The following TLN2 variants were observed in gnomAD, a reference collection of about 807,000 sequenced individuals.
TLN2 encodes the protein talin 2, also known as talin-2.
A neutral mutation model predicts 294.7 loss-of-function variants in TLN2; 118 were observed. The ratio of observed to expected loss-of-function variants is 0.40; its 90% CI spans 0.34 to 0.47. The LOEUF (loss-of-function observed/expected upper bound fraction) is 0.47, where lower values mean the gene tolerates loss of function less well. Ranked by LOEUF, TLN2 falls within the 20% of genes least tolerant of loss-of-function variation. TLN2 has a pLI of 0.84. For synonymous variants in TLN2, 1,431 were observed against 1,304.5 expected, an observed-to-expected ratio of 1.10 and a Z score of -2.09; for missense variants, 3,083 against 3,282.2, an observed-to-expected ratio of 0.94 and a Z score of 1.48.
intron 52 of TLN2, among the ~76,000 whole-genome samples, chr15:62,818,236 G>T (rs866423513): frequency 6.6e-6 from 1 of 152,198 alleles, no homozygotes; most frequent in Non-Finnish European, 1.5e-5. Context: ...TTCCAAAGCT[G>T]ATGCTTTGTC....
chr15:62,737,472 G>A (rs1007453427), intron 29 of TLN2, among the ~76,000 whole-genome samples: 2 of 152,162 alleles, frequency 1.3e-5, no homozygotes, highest in African/African-American at 2.4e-5. Context: ...CAACCCTGGC[G>A]CTCTATTACT....
intron 1 of TLN2, among the ~76,000 whole-genome samples, chr15:62,503,094 T>C (rs185073843): frequency 6.7e-6 from 1 of 149,674 alleles, no homozygotes; most frequent in Admixed American, 6.6e-5. Context: ...TGTGGCCAGA[T>C]TGCAGACTCT....
intron 1 of TLN2, among the ~76,000 whole-genome samples, chr15:62,406,390 G>A (rs777701331): frequency 1.3e-5 from 2 of 152,158 alleles, no homozygotes; most frequent in Non-Finnish European, 2.9e-5. Flanking sequence ...AGAATTCAAG[G>A]GCCAGCTAGA....
chr15:62,577,097 G>A (rs907018500), intron 1 of TLN2, among the ~76,000 whole-genome samples: 5 of 152,190 alleles, frequency 3.3e-5, no homozygotes, highest in Non-Finnish European at 2.9e-5. Flanking sequence ...TATTTAATGA[G>A]TAGAGAATTT....
intron 1 of TLN2, among the ~76,000 whole-genome samples, chr15:62,487,479 C>T (rs1029482026): frequency 6.6e-6 from 1 of 152,080 alleles, no homozygotes; most frequent in Non-Finnish European, 1.5e-5. Flanking sequence ...TACAAATGCC[C>T]AATTGTTGGG....
intron 16 of TLN2, among the ~76,000 whole-genome samples, chr15:62,700,296 A>G (rs1288969351): frequency 6.6e-6 from 1 of 152,184 alleles, no homozygotes; most frequent in Non-Finnish European, 1.5e-5. Context: ...TATTTTTGGG[A>G]TGTTTTGGGA....
At chr15:62,737,445 G>A (rs1020733219) in intron 29 of TLN2, among the ~76,000 whole-genome samples, 1 of 152,172 alleles carries the variant, frequency 6.6e-6, no homozygotes, top group Non-Finnish European at 1.5e-5. Flanking sequence ...CGCTAGGGCT[G>A]GCCACTCAGA....
rs1215802539 is a variant in TLN2, at chr15:62,763,619, G to T, written c.5018G>T (p.Cys1673Phe). Residue 1673 changes from cysteine to phenylalanine, a missense_variant, in exon 40 of 59, where the codon TGC (cysteine) becomes TTC (phenylalanine). Cys to Phe is a radical substitution (Grantham distance 205, BLOSUM62 -2). Transcript: ENST00000636159. Reference protein sequence around the residue: ...CDYSIDGINRCIRDIEQASLA... With the variant: ...CDYSIDGINRFIRDIEQASLA... The stretch of plus-strand genomic sequence containing the variant: ...TACTCCATCGATGGCATCAACCGGT[G>T]CATCCGGGACATCGAGCAGGCCTCG... 3 of 1,613,718 alleles carry T rather than the reference G, an allele frequency of 1.9e-6. No individual in the cohort carries two copies. Among genetic ancestry groups the T allele is most frequent in the Non-Finnish European group, 2.5e-6 (3 of 1,179,894 alleles).
intron 1 of TLN2, among the ~76,000 whole-genome samples, chr15:62,409,928 A>G (rs941742831): frequency 3.3e-5 from 5 of 152,188 alleles, no homozygotes; most frequent in African/African-American, 1.2e-4. Context: ...TTCTGGGAAA[A>G]TGAGGAACCT....
intron 3 of TLN2, among the ~76,000 whole-genome samples, chr15:62,631,010 A>AT (rs895680080): frequency 8.6e-5 from 13 of 151,446 alleles, no homozygotes; most frequent in African/African-American, 1.2e-4. Flanking sequence ...TGAATAAGCC[A>AT]TTTTTTTTTC....
chr15:62,635,939 T>C (rs2140900507), intron 3 of TLN2, among the ~76,000 whole-genome samples: 1 of 152,242 alleles, frequency 6.6e-6, no homozygotes, highest in African/African-American at 2.4e-5. Context: ...AACCCCCAGA[T>C]CCGTGGCCTT....
At chr15:62,492,185 C>G (rs983433682) in intron 1 of TLN2, among the ~76,000 whole-genome samples, 1 of 152,052 alleles carries the variant, frequency 6.6e-6, no homozygotes, top group Non-Finnish European at 1.5e-5. Context: ...GACGCGGTGG[C>G]TCACGCCTGT....
At chr15:62,707,390 A>G in intron 20 of TLN2, 137 bp downstream of exon 20, 2 of 1,075,824 alleles carry the variant, frequency 1.9e-6, no homozygotes, top group Non-Finnish European at 2.5e-6. Flanking sequence ...GTCTTAAGTG[A>G]TGATAGGATT....
chr15:62,508,212 A>T (rs2439708), intron 1 of TLN2, among the ~76,000 whole-genome samples: 24,492 of 151,860 alleles, frequency 0.16, 2,635 homozygotes, highest in East Asian at 0.56. Context: ...TTTTAAAATT[A>T]TTTTATTTAT....
chr15:62,642,913 G>C (rs1472884741), intron 3 of TLN2, among the ~76,000 whole-genome samples: 1 of 152,100 alleles, frequency 6.6e-6, no homozygotes, highest in East Asian at 1.9e-4. Flanking sequence ...TGTTGGCCAG[G>C]CTGGTCTTGA....
intron 19 of TLN2, among the ~76,000 whole-genome samples, chr15:62,706,781 C>G (rs2059102702): frequency 6.6e-6 from 1 of 152,140 alleles, no homozygotes; most frequent in Admixed American, 6.5e-5. Context: ...GAGACGTGGT[C>G]AAGACTTCGT....
At chr15:62,819,696 A>G in intron 53 of TLN2, 75 bp downstream of exon 53, 1 of 1,360,620 alleles carries the variant, frequency 7.3e-7, no homozygotes, top group East Asian at 2.3e-5. Flanking sequence ...GAGCAGAGGA[A>G]AAGCACAGAC....
chr15:62,454,797 A>C (rs1294051333), intron 1 of TLN2, among the ~76,000 whole-genome samples: 1 of 152,110 alleles, frequency 6.6e-6, no homozygotes, highest in Non-Finnish European at 1.5e-5. Context: ...CCTTTAGAGG[A>C]GTGGCCCAGA....
intron 1 of TLN2, among the ~76,000 whole-genome samples, chr15:62,457,808 A>G (rs1284147726): frequency 6.6e-6 from 1 of 152,054 alleles, no homozygotes; most frequent in Non-Finnish European, 1.5e-5. Context: ...ATGAAGTCCC[A>G]TTTTGCCCAG....
Sources: allele counts gnomAD v4.1 joint callset (sites outside exome capture counted in the v4.1 genomes callset), GRCh38; gene constraint gnomAD v4.1.1; transcripts MANE v1.5; gene names NCBI Gene and HGNC (gene_info 2026-07-23, HGNC 2026-07-21).